Variants in CR2 observed in about 807,000 individuals in gnomAD.
CR2 encodes the protein complement C3d receptor 2.
Under a neutral mutation model 123.0 loss-of-function variants are expected in CR2, and 96 were observed. The observed-to-expected ratio is 0.78, with a 90% CI of 0.66 to 0.93. CR2 has a LOEUF of 0.93. Among genes scored for constraint, CR2 ranks in the 40% least tolerant of loss-of-function variants. CR2 has a pLI of 0.00. For missense variants in CR2, 1,258 were observed against 1,361.0 expected, an observed-to-expected ratio of 0.92 and a Z score of 1.19; for synonymous variants, 484 against 469.5, an observed-to-expected ratio of 1.03 and a Z score of -0.40.
In CR2 at chr1:207,469,791, G is replaced by T. The variant is rs1294036734; in HGVS notation, c.914G>T (p.Cys305Phe). 1 of 1,613,952 alleles carries T rather than the reference G, an allele frequency of 6.2e-7. No individual in the cohort carries two copies. The highest frequency in any genetic ancestry group is 8.5e-7 in the Non-Finnish European group (1 of 1,179,948). ...VSYGSIVTYT[C>F]DPDPEEGVNF... is the part of the protein sequence containing the mutation. ...TATGGAAGCATAGTCACTTACACTTGTGACCCGGACCCAGAGGAAGGAGTG... is the reference window on the plus strand; with the variant it reads ...TATGGAAGCATAGTCACTTACACTTTTGACCCGGACCCAGAGGAAGGAGTG... The change falls in exon 6 of 20, where the codon TGT becomes TTT. Residue 305 changes from cysteine (C) to phenylalanine (F), a missense_variant. By Grantham distance (205) the Cys-to-Phe change is radical. Transcript: ENST00000367057.
At chr1:207,466,419 T>G (rs1658099425) in intron 1 of CR2, 107 bp from the exon 2 acceptor site, 1 of 1,283,492 alleles carries the variant, frequency 7.8e-7, no homozygotes, top group East Asian at 2.3e-5. Context: ...TATTTCTAAG[T>G]CTGTTTCTGA....
intron 19 of CR2, among the ~76,000 whole-genome samples, chr1:207,486,018 G>C (rs142341068): frequency 3.3e-5 from 5 of 151,824 alleles, no homozygotes; most frequent in Non-Finnish European, 5.9e-5. Flanking sequence ...ATCATTTGAG[G>C]TCAAGAGTTC....
intron 1 of CR2, among the ~76,000 whole-genome samples, chr1:207,457,710 C>A (rs1657867468): frequency 6.6e-6 from 1 of 152,092 alleles, no homozygotes; most frequent in South Asian, 2.1e-4. Flanking sequence ...ACCTTGAAAC[C>A]ATTATCATTC....
At chr1:207,470,218 A>G in intron 6 of CR2, 116 bp downstream of exon 6, 1 of 1,103,588 alleles carries the variant, frequency 9.1e-7, no homozygotes, top group Non-Finnish European at 1.3e-6. Context: ...CAAATCTACT[A>G]CATCTAATCA....
chr1:207,466,796 A>T lies in CR2; in HGVS notation c.329A>T (p.His110Leu). 1 of 1,614,096 alleles carries T rather than the reference A, an allele frequency of 6.2e-7. No homozygotes were observed. The highest frequency in any genetic ancestry group is 8.5e-7 in the Non-Finnish European group (1 of 1,179,984). ...YKIRGSTPYR[H>L]GDSVTFACKT... ...ATTAGAGGCTCTACACCCTACAGAC[A>T]TGGTGATTCTGTGACATTTGCCTGT... Residue 110 changes from histidine to leucine, a missense_variant, in exon 2 of 20, where the codon CAT (histidine) becomes CTT (leucine). By Grantham distance (99) the His-to-Leu change is moderately conservative. Transcript: ENST00000367057.
rs750278666 is a variant in CR2, at chr1:207,469,901, T to C, written c.1024T>C (p.Cys342Arg). 4.3e-6 allele frequency: 7 copies of C among 1,614,034 alleles called. No individual in the cohort carries two copies. ...TGTWSGPAPR[C>R]ELSTSAVQCP... ...GACCTGGAGTGGCCCTGCCCCACGC[T>C]GTGAACTTTCTACTTCTGCGGTTCA... The change falls in exon 6 of 20, where the codon TGT (cysteine) becomes CGT (arginine). Residue 342 changes from cysteine (C) to arginine (R), a missense_variant. By Grantham distance (180) the Cys-to-Arg change is radical. Coordinates refer to ENST00000367057, the MANE Select transcript of CR2 (RefSeq NM_001006658.3).
chr1:207,456,805 C>A (rs1252030980), intron 1 of CR2, among the ~76,000 whole-genome samples: 1 of 152,220 alleles, frequency 6.6e-6, no homozygotes, highest in Admixed American at 6.5e-5. Context: ...ACCCCTTATT[C>A]TCCAGTCTGA....
intron 9 of CR2, 114 bp from the exon 10 acceptor site, chr1:207,472,658 G>A (rs1658313349): frequency 2.9e-6 from 3 of 1,034,060 alleles, no homozygotes; most frequent in East Asian, 2.4e-5. Context: ...TCATGAAAAT[G>A]TACCCATACC....
intron 1 of CR2, among the ~76,000 whole-genome samples, chr1:207,460,537 T>G (rs1249305331): frequency 6.6e-6 from 1 of 152,200 alleles, no homozygotes; most frequent in Non-Finnish European, 1.5e-5. Flanking sequence ...AATACACTGC[T>G]ATTCTAGGAG....
intron 1 of CR2, among the ~76,000 whole-genome samples, chr1:207,464,336 T>A (rs183022664): frequency 6.7e-4 from 102 of 152,304 alleles, no homozygotes; most frequent in African/African-American, 2.3e-3. Flanking sequence ...AAGAGAAAAT[T>A]CTCAGAAAGT....
At chr1:207,463,674 T>C (rs188514626) in intron 1 of CR2, among the ~76,000 whole-genome samples, 1 of 152,306 alleles carries the variant, frequency 6.6e-6, no homozygotes, top group Non-Finnish European at 1.5e-5. Flanking sequence ...GGGGTACATG[T>C]GCAGGATGTG....
At chr1:207,457,244 G>A (rs748338841) in intron 1 of CR2, among the ~76,000 whole-genome samples, 26 of 152,226 alleles carry the variant, frequency 1.7e-4, no homozygotes, top group Middle Eastern at 3.4e-3. Context: ...TTGAAATCTT[G>A]GTATGTTTCC....
chr1:207,475,775 A>G (rs1351142678), intron 14 of CR2, among the ~76,000 whole-genome samples: 1 of 152,140 alleles, frequency 6.6e-6, no homozygotes, highest in Non-Finnish European at 1.5e-5. Flanking sequence ...ATAAATAGTG[A>G]GCTTGCGAGC....
At chr1:207,475,493 G>A (rs1658412701) in intron 14 of CR2, among the ~76,000 whole-genome samples, 4 of 152,168 alleles carry the variant, frequency 2.6e-5, no homozygotes, top group Admixed American at 2.6e-4. Context: ...TGACTTTAGT[G>A]TAAGAAAAAT....
At chr1:207,467,316 A>T (rs866635009) in intron 2 of CR2, among the ~76,000 whole-genome samples, 1 of 151,956 alleles carries the variant, frequency 6.6e-6, no homozygotes, top group African/African-American at 2.4e-5. Flanking sequence ...ATGTATAAGT[A>T]GCTGCTAACA....
At chr1:207,455,747 T>C (rs1657817256) in intron 1 of CR2, among the ~76,000 whole-genome samples, 1 of 152,206 alleles carries the variant, frequency 6.6e-6, no homozygotes, top group South Asian at 2.1e-4. Flanking sequence ...TTCTCACCTA[T>C]TTCTAAATTT....
chr1:207,454,565 G>GA lies in CR2; in HGVS notation c.58+90dup. The GA allele has an allele frequency of 9.7e-7, 1 of 1,029,682 alleles. No homozygotes were observed. Among genetic ancestry groups the GA allele is most frequent in the Non-Finnish European group, 1.4e-6 (1 of 720,596 alleles). 63.8% of individuals were successfully genotyped at this position (1,029,682 alleles called of 1,614,324 possible). A position where few individuals can be genotyped will look rare whatever the true frequency, so the allele number is the denominator to read the frequency against. On this transcript the variant is annotated intron_variant, in intron 1 of 19. Coordinates refer to ENST00000367057, the MANE Select transcript of CR2 (RefSeq NM_001006658.3). This position sits in a 1 kb window ranked among gnomAD's most constrained non-coding sequence, Gnocchi z 4.3. ...CGATGCAAAGCAGGGGGCCAAAAGC[G>GA]AGACGGTGGGGGCAGTGCTCGACGC...
intron 1 of CR2, among the ~76,000 whole-genome samples, chr1:207,457,469 A>C (rs892913323): frequency 9.2e-5 from 14 of 152,224 alleles, no homozygotes; most frequent in African/African-American, 3.4e-4. Flanking sequence ...CTCATGACCC[A>C]CTGGAACTCC....
chr1:207,482,531 T>G (rs966630189), intron 18 of CR2, among the ~76,000 whole-genome samples: 1 of 152,178 alleles, frequency 6.6e-6, no homozygotes, highest in Non-Finnish European at 1.5e-5. Context: ...GAGTGCCTAC[T>G]ATGCCTTAGC....
Sources: allele counts gnomAD v4.1 joint callset (sites outside exome capture counted in the v4.1 genomes callset), GRCh38; gene constraint gnomAD v4.1.1; non-coding constraint Gnocchi (gnomAD v3.1); transcripts MANE v1.5; gene names NCBI Gene and HGNC (gene_info 2026-07-23, HGNC 2026-07-21).